The following MOK variants were observed in gnomAD, a reference collection of about 807,000 sequenced individuals.
MOK encodes MAPK/MAK/MRK overlapping kinase.
Under a neutral mutation model 54.2 loss-of-function variants are expected in MOK, and 59 were observed. The ratio of observed to expected loss-of-function variants is 1.09; its 90% CI spans 0.88 to 1.35. The LOEUF (loss-of-function observed/expected upper bound fraction) is 1.35, where lower values mean the gene tolerates loss of function less well. Among genes scored for constraint, MOK ranks in the 40% most tolerant of loss-of-function variants. The pLI is 0.00. For synonymous variants in MOK, 210 were observed against 202.7 expected (o/e 1.04, Z -0.31); for missense variants, 517 against 526.2 (o/e 0.98, Z 0.17).
At chr14:102,286,297 T>TAA (rs1247184702) in intron 1 of MOK, among the ~76,000 whole-genome samples, 1 of 50,928 alleles carries the variant, frequency 2.0e-5, no homozygotes, top group African/African-American at 1.0e-4. Flanking sequence ...AGACTCCGTC[T>TAA]CAAAAAAAAA....
chr14:102,267,684 AT>A (rs995242050), intron 2 of MOK, among the ~76,000 whole-genome samples: 5 of 152,192 alleles, frequency 3.3e-5, no homozygotes, highest in African/African-American at 9.6e-5. Context: ...GCCTAAGAAT[AT>A]TTTTGGACTA....
At chr14:102,237,411 C>A (rs1302317458) in intron 7 of MOK, among the ~76,000 whole-genome samples, 1 of 152,158 alleles carries the variant, frequency 6.6e-6, no homozygotes, top group Non-Finnish European at 1.5e-5. Flanking sequence ...GGGCTATGAC[C>A]CCTGCCCTAG....
chr14:102,224,477 T>C (rs1423794435), downstream of MOK: 3 of 413,118 alleles, frequency 7.3e-6, no homozygotes, highest in Non-Finnish European at 1.4e-5. Flanking sequence ...ATTTATTTTT[T>C]TAAAAAATCA....
downstream of MOK, among the ~76,000 whole-genome samples, chr14:102,227,727 T>TCGCTGCCCCACGCTCC (rs1338224327): frequency 1.8e-4 from 27 of 152,260 alleles, no homozygotes; most frequent in African/African-American, 6.5e-4. Context: ...GCCCACGGAC[T>TCGCTGCCCCACGCTCC]CGCTGCCCCA....
Position 102,238,759 on chromosome 14 carries a change from C to T in MOK, c.591-4970G>A, listed in dbSNP as rs966883284. ...AATCCTTCCATATTGGTGCATGTCC[C>T]CTATATCTCCTCCTCCGCCCATATT... On this transcript the variant is annotated intron_variant, in intron 7 of 11. Transcript: ENST00000361847. The surrounding 1 kb of genome is among the most constrained non-coding windows in gnomAD (Gnocchi z 4.8). Among the ~76,000 whole-genome samples the T allele has an allele frequency of 1.1e-4, 17 of 152,210 alleles. No homozygotes were observed. Among genetic ancestry groups the T allele is most frequent in the East Asian group, 1.9e-4 (1 of 5,178 alleles).
chr14:102,227,430 C>T (rs565424369), downstream of MOK, among the ~76,000 whole-genome samples: 32 of 151,954 alleles, frequency 2.1e-4, no homozygotes, highest in Non-Finnish European at 3.8e-4. Context: ...GACTCCCAGG[C>T]CCTCTGTAGA....
chr14:102,260,940 G>A (rs965027880), intron 4 of MOK, among the ~76,000 whole-genome samples: 13 of 151,800 alleles, frequency 8.6e-5, no homozygotes, highest in African/African-American at 3.1e-4. Context: ...GGCTAACAAG[G>A]TGAAACCCCG....
At chr14:102,229,867 A>T (rs55889703) in intron 10 of MOK, 172,096 of 564,904 alleles carry the variant, frequency 0.3, 28,663 homozygotes, top group Admixed American at 0.38. Context: ...TTCAGGGGGA[A>T]CCTGAAGAAT....
rs183996934 is a variant in MOK, at chr14:102,245,759, C to T, written c.590+5053G>A. Among the ~76,000 whole-genome samples the T allele has an allele frequency of 4.6e-5, 7 of 152,276 alleles. No individual in the cohort carries two copies. The East Asian group carries it at 1.2e-3, about 25-fold the overall frequency. ...CTGTTTGGTGGTCTTTTCACATGGA[C>T]GTGTGTGACACTTACAACCCCTACT... On this transcript the variant is annotated intron_variant, in intron 7 of 11. Transcript: ENST00000361847. The surrounding 1 kb of genome is among the most constrained non-coding windows in gnomAD (Gnocchi z 4.3).
At chr14:102,299,576 C>T (rs2153194488) in intron 1 of MOK, among the ~76,000 whole-genome samples, 1 of 151,910 alleles carries the variant, frequency 6.6e-6, no homozygotes, top group East Asian at 1.9e-4. Context: ...CAGAGTGTAA[C>T]TTCTCTGGGT....
intron 2 of MOK, among the ~76,000 whole-genome samples, chr14:102,276,850 T>C (rs2068913728): frequency 6.6e-6 from 1 of 151,690 alleles, no homozygotes; most frequent in South Asian, 2.1e-4. Context: ...TTTCTGTATT[T>C]CTTTTGTTGT....
Position 102,249,690 on chromosome 14 carries a change from C to T in MOK, c.590+1122G>A, listed in dbSNP as rs574090497. ...CACCATTGCACTCCAGCCTAGGCAA[C>T]AAGAGCAAAACTCCATCTCAAAAAA... On this transcript the variant is annotated intron_variant, in intron 7 of 11. Coordinates refer to ENST00000361847, the MANE Select transcript of MOK (RefSeq NM_014226.3). The surrounding 1 kb of genome is among the most constrained non-coding windows in gnomAD (Gnocchi z 5.3). Among the ~76,000 whole-genome samples the T allele has an allele frequency of 2.9e-4, 44 of 152,320 alleles. No homozygotes were observed. The highest frequency in any genetic ancestry group is 6.2e-4 in the South Asian group (3 of 4,830).
In MOK at chr14:102,265,885, C is replaced by G. The variant is rs1567195696; in HGVS notation, c.150G>C (p.Glu50Asp). The change falls in exon 3 of 12, where the codon GAG becomes GAC. Residue 50 changes from glutamate (E) to aspartate (D), a missense_variant. Glu to Asp is a conservative substitution (Grantham distance 45). Coordinates refer to ENST00000361847, the MANE Select transcript of MOK (RefSeq NM_014226.3). Reference protein sequence around the residue: ...ESIEQVNNLREIQALRRLNPH... With the variant: ...ESIEQVNNLRDIQALRRLNPH... ...GATTCAGGCGCCTCAGTGCTTGGATCTCTCGTAGGTTGTTGACTTGCTCAA... is the reference window on the plus strand; with the variant it reads ...GATTCAGGCGCCTCAGTGCTTGGATGTCTCGTAGGTTGTTGACTTGCTCAA... 2 of 1,613,980 alleles carry G rather than the reference C, an allele frequency of 1.2e-6. No homozygotes were observed. The highest frequency in any genetic ancestry group is 8.5e-7 in the Non-Finnish European group (1 of 1,179,882).
At chr14:102,244,438 T>C (rs949496631) in intron 7 of MOK, among the ~76,000 whole-genome samples, 4 of 152,230 alleles carry the variant, frequency 2.6e-5, no homozygotes, top group African/African-American at 9.7e-5. Flanking sequence ...TACAAGCTGC[T>C]AGTCTGCCTC....
chr14:102,215,267 T>C, the MOK span, among the ~76,000 whole-genome samples: 1 of 152,212 alleles, frequency 6.6e-6, no homozygotes, highest in African/African-American at 2.4e-5. Flanking sequence ...GGACTGTTGA[T>C]TGGCGTTTCG....
rs777238096 is a variant in MOK at position 102,229,539 on chromosome 14, G to C, written c.1100C>G (p.Thr367Arg). Residue 367 changes from threonine to arginine, a missense_variant, in exon 11 of 12, where the codon ACG becomes AGG. Coordinates refer to ENST00000361847, the MANE Select transcript of MOK (RefSeq NM_014226.3). ...VVRLSSYSSP[T>R]LQSVLGSGTN... ...TCCAGATCCAAGCACGGACTGCAGC[G>C]TGGGGCTGGAGTAAGACGACAGTCT... is the stretch of plus-strand genomic sequence containing the variant. 4 of 1,613,862 alleles carry C rather than the reference G, an allele frequency of 2.5e-6. No homozygotes were observed. In the South Asian group the frequency reaches 4.4e-5, roughly 18 times the overall value.
chr14:102,294,474 G>T (rs1405324051), intron 1 of MOK, among the ~76,000 whole-genome samples: 1 of 151,784 alleles, frequency 6.6e-6, no homozygotes, highest in Non-Finnish European at 1.5e-5. Flanking sequence ...AATTAGCCAG[G>T]CATCGTGATG....
intron 4 of MOK, among the ~76,000 whole-genome samples, chr14:102,261,418 AATATATATATAT>A (rs1197835093): frequency 0.012 from 527 of 42,822 alleles, 21 homozygotes; most frequent in African/African-American, 0.037. Flanking sequence ...AAAAAAAAAA[AATATATATATAT>A]ATATATATAT....
At chr14:102,254,287 C>T (rs974083981) in intron 4 of MOK, among the ~76,000 whole-genome samples, 17 of 152,140 alleles carry the variant, frequency 1.1e-4, no homozygotes, top group Admixed American at 2.0e-4. Flanking sequence ...TGCGCCTGGC[C>T]GCAATTAACT....
Sources: gnomAD v4.1 joint callset for allele counts (sites outside exome capture counted in the v4.1 genomes callset) on GRCh38, gnomAD v4.1.1 for gene constraint, Gnocchi (gnomAD v3.1) non-coding constraint, MANE v1.5 for transcripts, NCBI Gene and HGNC (gene_info 2026-07-23, HGNC 2026-07-21) for gene names.